Variants in SLC35F3 observed in about 807,000 individuals in gnomAD.
The protein encoded by SLC35F3 is putative thiamine transporter SLC35F3.
In SLC35F3, 25 loss-of-function variants were observed where a neutral mutation model predicts 49.9. That is an observed-to-expected ratio of 0.50 (90% CI 0.37 to 0.70). SLC35F3 has a LOEUF of 0.70. SLC35F3 is among the 30% of genes least tolerant of loss of function. SLC35F3 has a pLI of 0.00. For synonymous variants in SLC35F3, 275 were observed against 265.4 expected (o/e 1.04, Z -0.35); for missense variants, 525 against 639.8 (o/e 0.82, Z 1.94).
At chr1:234,021,476 A>T (rs1181328070) in intron 2 of SLC35F3, among the ~76,000 whole-genome samples, 1 of 152,214 alleles carries the variant, frequency 6.6e-6, no homozygotes, top group Non-Finnish European at 1.5e-5. Flanking sequence ...AACCAACTGG[A>T]CTTATTAAAT....
intron 2 of SLC35F3, among the ~76,000 whole-genome samples, chr1:234,117,683 C>G (rs1303638936): frequency 3.3e-5 from 5 of 150,696 alleles, no homozygotes; most frequent in African/African-American, 4.9e-5. Context: ...TCAGGAGATA[C>G]AGACCATCCT....
intron 2 of SLC35F3, among the ~76,000 whole-genome samples, chr1:233,909,529 T>A (rs747461935): frequency 8.5e-5 from 13 of 152,186 alleles, no homozygotes; most frequent in Non-Finnish European, 1.8e-4. Context: ...TATGCTGACT[T>A]CCTGTTATGT....
chr1:233,985,810 G>T (rs889936652), intron 2 of SLC35F3, among the ~76,000 whole-genome samples: 1 of 152,194 alleles, frequency 6.6e-6, no homozygotes, highest in Admixed American at 6.5e-5. Context: ...TCTTTATGTG[G>T]GTGCAGACTT....
rs116870307 is a variant in SLC35F3, at chr1:234,260,810, C to G, written c.608+29069C>G. Among the ~76,000 whole-genome samples, 539 of 152,238 alleles carry G rather than the reference C, an allele frequency of 3.5e-3. 18 individuals carry two copies. In the South Asian group the frequency reaches 0.06, roughly 17 times the overall value. ...ATACATAAGTGCCTCACGTCTCCCT[C>G]CATTTCCTCCACCAAAGTTACCCAA... On this transcript the variant is annotated intron_variant, in intron 3 of 7. Transcript: ENST00000366618.
chr1:234,025,030 A>C (rs1238646133), intron 2 of SLC35F3, among the ~76,000 whole-genome samples: 6 of 151,808 alleles, frequency 4.0e-5, no homozygotes, highest in Non-Finnish European at 8.8e-5. Context: ...GATCGTGTAC[A>C]CTCAGTTTTT....
At chr1:234,246,807 G>T (rs1053758398) in intron 3 of SLC35F3, among the ~76,000 whole-genome samples, 3 of 152,242 alleles carry the variant, frequency 2.0e-5, no homozygotes, top group African/African-American at 7.2e-5. Flanking sequence ...GAAGTGGTGA[G>T]AACAGCAGAG....
intron 2 of SLC35F3, among the ~76,000 whole-genome samples, chr1:233,944,016 A>C (rs768257873): frequency 2.6e-5 from 4 of 152,246 alleles, no homozygotes; most frequent in Admixed American, 6.5e-5. Context: ...AACGTACCAG[A>C]ATCTCTGGGA....
At chr1:234,181,338 G>GAAAAAAAAAAAAAAAAGAAAAAAAAAA (rs1666553244) in intron 2 of SLC35F3, among the ~76,000 whole-genome samples, 1 of 97,310 alleles carries the variant, frequency 1.0e-5, no homozygotes, top group Non-Finnish European at 2.1e-5. Context: ...TCTGTCTCAA[G>GAAAAAAAAAAAAAAAAGAAAAAAAAAA]AAAAAAAAAA....
At chr1:234,105,343 A>G (rs942425193) in intron 2 of SLC35F3, among the ~76,000 whole-genome samples, 1 of 152,200 alleles carries the variant, frequency 6.6e-6, no homozygotes, top group Non-Finnish European at 1.5e-5. Context: ...AAGTGAGACT[A>G]GGACCTCATC....
chr1:234,068,634 A>G lies in SLC35F3; in HGVS notation c.284-162783A>G, dbSNP rs138236084. ...AAGTACAGTAGGAGCAGGAATAGCC[A>G]GTAATCTGGGAGTCAGAGAGGTGTG... On this transcript the variant is annotated intron_variant, in intron 2 of 7. Coordinates refer to ENST00000366618, the MANE Select transcript of SLC35F3 (RefSeq NM_173508.4). 1.1e-3 allele frequency among the ~76,000 whole-genome samples: 173 copies of G among 151,802 alleles called. No homozygotes were observed. The South Asian group carries it at 0.02, about 18-fold the overall frequency.
chr1:234,076,557 G>A (rs1664794754), intron 2 of SLC35F3, among the ~76,000 whole-genome samples: 2 of 151,886 alleles, frequency 1.3e-5, no homozygotes, highest in South Asian at 2.1e-4. Context: ...CACCTCCCAG[G>A]TTCAAGCAAT....
chr1:234,284,757 G>A (rs573421908), intron 3 of SLC35F3, among the ~76,000 whole-genome samples: 202 of 152,088 alleles, frequency 1.3e-3, no homozygotes, highest in Non-Finnish European at 2.4e-3. Flanking sequence ...GATGCTCCGG[G>A]GTATCAACAG....
At chr1:234,244,311 G>A (rs1303330521) in intron 3 of SLC35F3, among the ~76,000 whole-genome samples, 5 of 152,202 alleles carry the variant, frequency 3.3e-5, no homozygotes, top group African/African-American at 9.7e-5. Flanking sequence ...GATCATGTCC[G>A]TCTTGCTCAC....
At chr1:234,041,408 G>A (rs1664219806) in intron 2 of SLC35F3, among the ~76,000 whole-genome samples, 1 of 152,044 alleles carries the variant, frequency 6.6e-6, no homozygotes, top group African/African-American at 2.4e-5. Context: ...ACCTGAAATT[G>A]ATATACATCA....
chr1:234,233,244 A>C (rs559993474), intron 3 of SLC35F3, among the ~76,000 whole-genome samples: 2 of 152,368 alleles, frequency 1.3e-5, no homozygotes, highest in South Asian at 4.1e-4. Context: ...TTTAACAGTT[A>C]AGTATCCCTA....
intron 2 of SLC35F3, among the ~76,000 whole-genome samples, chr1:234,067,958 G>C (rs1558220109): frequency 6.6e-6 from 1 of 152,198 alleles, no homozygotes; most frequent in Non-Finnish European, 1.5e-5. Context: ...TGAAATATCT[G>C]TTTGGCCTCC....
chr1:233,932,609 G>T (rs1012365076), intron 2 of SLC35F3, among the ~76,000 whole-genome samples: 1 of 152,170 alleles, frequency 6.6e-6, no homozygotes, highest in Non-Finnish European at 1.5e-5. Flanking sequence ...TTCATCAAGT[G>T]CTTTGCTAGC....
At chr1:234,244,001 G>A (rs1046217313) in intron 3 of SLC35F3, among the ~76,000 whole-genome samples, 1 of 152,182 alleles carries the variant, frequency 6.6e-6, no homozygotes, top group Non-Finnish European at 1.5e-5. Context: ...GCTCACCAAC[G>A]GGTGAAATGA....
At chr1:234,141,500 G>A (rs1418635914) in intron 2 of SLC35F3, among the ~76,000 whole-genome samples, 1 of 152,178 alleles carries the variant, frequency 6.6e-6, no homozygotes, top group African/African-American at 2.4e-5. Flanking sequence ...CCACAATCAA[G>A]GTACTAAACA....
Sources: allele counts gnomAD v4.1 joint callset (sites outside exome capture counted in the v4.1 genomes callset), GRCh38; gene constraint gnomAD v4.1.1; transcripts MANE v1.5; gene names NCBI Gene and HGNC (gene_info 2026-07-23, HGNC 2026-07-21).